The following DUT variants were observed in gnomAD, a reference collection of about 807,000 sequenced individuals.
DUT encodes the protein deoxyuridine 5'-triphosphate nucleotidohydrolase, mitochondrial.
Under a neutral mutation model 28.8 loss-of-function variants are expected in DUT, and 21 were observed. The observed-to-expected ratio is 0.73, with a 90% CI of 0.52 to 1.05. The LOEUF is 1.05. Ranked by LOEUF, DUT falls within the 50% of genes least tolerant of loss-of-function variation. The probability of loss-of-function intolerance (pLI) is 0.00; values close to 1 mark genes in which losing one functional copy is unlikely to be tolerated. For synonymous variants in DUT, 147 were observed against 143.7 expected (o/e 1.02, Z -0.17); for missense variants, 344 against 351.8 (o/e 0.98, Z 0.18).
chr15:48,334,590 C>A, intron 3 of DUT, 82 bp downstream of exon 3: 1 of 1,006,738 alleles, frequency 9.9e-7, no homozygotes, highest in Non-Finnish European at 1.5e-6. Flanking sequence ...GGGTAATAAG[C>A]AGGCAATATT....
chr15:48,331,145 C>A (rs1489588982), upstream of DUT: 98 of 1,502,758 alleles, frequency 6.5e-5, no homozygotes, highest in Non-Finnish European at 8.5e-5. Flanking sequence ...TAGGGCGCCG[C>A]TAAACTCAGA....
chr15:48,334,494 G>A lies in DUT; in HGVS notation c.497G>A (p.Cys166Tyr). ...ATTCAGATAGCGCTCCCTTCTGGGT[G>A]TTATGGAAGAGTGGGTAAGTCATTT... ...TDIQIALPSG[C>Y]YGRVAPRSGL... is the part of the protein sequence containing the mutation. The change falls in exon 3 of 7, where the codon TGT becomes TAT. Residue 166 changes from cysteine to tyrosine, a missense_variant. Cys to Tyr is a radical substitution (Grantham distance 194). Coordinates refer to ENST00000331200, the MANE Select transcript of DUT (RefSeq NM_001025248.2). 2 of 1,609,198 alleles carry A rather than the reference G, an allele frequency of 1.2e-6. No individual in the cohort carries two copies. The highest frequency in any genetic ancestry group is 1.3e-5 in the African/African-American group (1 of 75,000).
chr15:48,332,307 C>G lies in DUT; in HGVS notation c.320C>G (p.Ala107Gly). ...AISPSKRARP[A>G]EVGGMQLRFA... ...TCACCCAGTAAGCGGGCCCGGCCTGCGGAGGTGGGCGGCATGCAGCTCCGC... is the reference window on the plus strand; with the variant it reads ...TCACCCAGTAAGCGGGCCCGGCCTGGGGAGGTGGGCGGCATGCAGCTCCGC... The change falls in exon 2 of 7, where the codon GCG (alanine) becomes GGG (glycine). Residue 107 changes from alanine to glycine, a missense_variant. Ala to Gly is a moderately conservative substitution (Grantham distance 60, BLOSUM62 0). Transcript: ENST00000331200. The G allele has an allele frequency of 6.2e-7, 1 of 1,608,738 alleles. No individual in the cohort carries two copies. The highest frequency in any genetic ancestry group is 8.5e-7 in the Non-Finnish European group (1 of 1,178,332).
At chr15:48,332,971 A>G (rs1205983287) in intron 2 of DUT, among the ~76,000 whole-genome samples, 1 of 152,136 alleles carries the variant, frequency 6.6e-6, no homozygotes, top group African/African-American at 2.4e-5. Context: ...ACAATCCTTA[A>G]CTAGATAAGT....
Position 48,342,036 on chromosome 15 carries a change from C to A in DUT, c.717C>A (p.Thr239=). 6.3e-7 allele frequency: 1 copy of A among 1,577,720 alleles called. No individual in the cohort carries two copies. The highest frequency in any genetic ancestry group is 8.6e-7 in the Non-Finnish European group (1 of 1,166,926). Reference sequence around the variant, plus strand: ...CTATCTTTCAGGCCTTGGATGACACCGAAAGGGGTTCAGGAGGTTTTGGTT... The same window carrying A: ...CTATCTTTCAGGCCTTGGATGACACAGAAAGGGGTTCAGGAGGTTTTGGTT... ...EIEEVQALDD[T]ERGSGGFGST... is the part of the protein sequence containing the mutation. Residue 239 remains threonine, a synonymous_variant, in exon 7 of 7, where the codon ACC becomes ACA. Transcript: ENST00000331200.
intron 4 of DUT, among the ~76,000 whole-genome samples, chr15:48,337,248 G>A (rs1385441394): frequency 6.6e-6 from 1 of 152,190 alleles, no homozygotes; most frequent in Non-Finnish European, 1.5e-5. Flanking sequence ...GGCTCTGTAA[G>A]TTATGCCCGA....
intron 4 of DUT, chr15:48,340,095 T>C (rs1185486161): frequency 6.6e-6 from 1 of 152,278 alleles, no homozygotes. Context: ...TTACTGCCCA[T>C]TGAGCTGAAC....
chr15:48,338,323 A>G (rs2042495880), intron 4 of DUT, among the ~76,000 whole-genome samples: 1 of 152,194 alleles, frequency 6.6e-6, no homozygotes, highest in South Asian at 2.1e-4. Flanking sequence ...ACCTATCTGC[A>G]GGATTCAAGA....
At position 48,342,047 on chromosome 15, in the gene DUT, C is replaced by T. The variant is rs1295061019; in HGVS notation, c.728C>T (p.Ser243Leu). ...VQALDDTERGSGGFGSTGKN is the reference protein window; with the variant it reads ...VQALDDTERGLGGFGSTGKN ...GCCTTGGATGACACCGAAAGGGGTT[C>T]AGGAGGTTTTGGTTCCACTGGAAAG... Residue 243 changes from serine to leucine, a missense_variant, in exon 7 of 7, where the codon TCA (serine) becomes TTA (leucine). Ser to Leu is a moderately radical substitution (Grantham distance 145, BLOSUM62 -2). Transcript: ENST00000331200. 9 of 1,579,644 alleles carry T rather than the reference C, an allele frequency of 5.7e-6. No individual in the cohort carries two copies. The highest frequency in any genetic ancestry group is 6.9e-6 in the Non-Finnish European group (8 of 1,167,076).
At chr15:48,333,548 AAAG>A (rs1273652524) in intron 2 of DUT, among the ~76,000 whole-genome samples, 1 of 152,216 alleles carries the variant, frequency 6.6e-6, no homozygotes, top group African/African-American at 2.4e-5. Flanking sequence ...GATTTCAGTG[AAAG>A]AAGGGGTAGT....
chr15:48,331,531 C>T lies in DUT; in HGVS notation c.16C>T (p.Pro6Ser), dbSNP rs1230888460. The change falls in exon 1 of 7, where the codon CCT (proline) becomes TCT (serine). Residue 6 changes from proline (P) to serine (S), a missense_variant. Transcript: ENST00000331200. The stretch of plus-strand genomic sequence containing the variant: ...TCTGGGGGAAATGACTCCCCTCTGC[C>T]CTCGCCCCGCGCTCTGCTACCATTT... Reference protein sequence around the residue: MTPLCPRPALCYHFLT... With the variant: MTPLCSRPALCYHFLT... 12 of 1,611,772 alleles carry T rather than the reference C, an allele frequency of 7.4e-6. No homozygotes were observed. The highest frequency in any genetic ancestry group is 1.3e-5 in the African/African-American group (1 of 74,950).
Position 48,331,567 on chromosome 15 carries a change from C to G in DUT, c.52C>G (p.Leu18Val), listed in dbSNP as rs986860190. 6.2e-7 allele frequency: 1 copy of G among 1,607,634 alleles called. No individual in the cohort carries two copies. The highest frequency in any genetic ancestry group is 1.3e-5 in the African/African-American group (1 of 74,672). The change falls in exon 1 of 7, where the codon CTG becomes GTG. Residue 18 changes from leucine to valine, a missense_variant. By Grantham distance (32) the Leu-to-Val change is conservative (BLOSUM62 1). Transcript: ENST00000331200. ...PALCYHFLTSLLRSAMQNARG... is the reference protein window; with the variant it reads ...PALCYHFLTSVLRSAMQNARG... The stretch of plus-strand genomic sequence containing the variant: ...GCTCTGCTACCATTTCCTTACGTCT[C>G]TGCTTCGCTCAGCGATGCAAAACGC...
At chr15:48,332,231 C>G (rs916421045) in intron 1 of DUT, 37 bp from the exon 2 acceptor site, 2 of 1,564,868 alleles carry the variant, frequency 1.3e-6, no homozygotes, top group African/African-American at 1.4e-5. Context: ...GTGGTCTCCT[C>G]GCTCGCCTTC....
At chr15:48,338,518 A>C (rs2042498197) in intron 4 of DUT, among the ~76,000 whole-genome samples, 1 of 152,234 alleles carries the variant, frequency 6.6e-6, no homozygotes, top group African/African-American at 2.4e-5. Context: ...GGACATGCAA[A>C]TGTCCAACAA....
intron 4 of DUT, 84 bp downstream of exon 4, chr15:48,336,174 A>G (rs1172622547): frequency 8.4e-7 from 1 of 1,185,162 alleles, no homozygotes; most frequent in Non-Finnish European, 1.2e-6. Context: ...GACAGATTTT[A>G]TTTTTAAGAA....
At chr15:48,333,507 CAAT>C (rs1425539311) in intron 2 of DUT, among the ~76,000 whole-genome samples, 2 of 152,104 alleles carry the variant, frequency 1.3e-5, no homozygotes, top group African/African-American at 2.4e-5. Context: ...AATGGATCAG[CAAT>C]AAATTAGGGC....
chr15:48,331,674 T>C lies in DUT; in HGVS notation c.159T>C (p.Ile53=). 2 of 1,532,736 alleles carry C rather than the reference T, an allele frequency of 1.3e-6. No individual in the cohort carries two copies. The highest frequency in any genetic ancestry group is 1.8e-6 in the Non-Finnish European group (2 of 1,139,774). 94.9% of individuals were successfully genotyped at this position (1,532,736 alleles called of 1,614,324 possible). A position where few individuals can be genotyped will look rare whatever the true frequency, so the allele number is the denominator to read the frequency against. ...TCGGCCGCGCCGCGCAGCACGGGAT[T>C]CCCCGGCCGCTGTCCAGCGCTGGCC... ...PPLGRAAQHG[I]PRPLSSAGRL... Residue 53 remains isoleucine, a synonymous_variant, in exon 1 of 7, where the codon ATT becomes ATC. Coordinates refer to ENST00000331200, the MANE Select transcript of DUT (RefSeq NM_001025248.2).
rs1010410830 is a variant in DUT at position 48,342,780 on chromosome 15, C to A, written c.*702C>A. The A allele has an allele frequency of 5.3e-5, 8 of 152,210 alleles. No homozygotes were observed. Among genetic ancestry groups the A allele is most frequent in the South Asian group, 2.1e-4 (1 of 4,834 alleles). 9.4% of individuals were successfully genotyped at this position (152,210 alleles called of 1,614,324 possible). ...AGGTTTGTTCCCTTGAATTTCATCTCATCAGGCAAATTGTACTAGTTGTAG... is the reference window on the plus strand; with the variant it reads ...AGGTTTGTTCCCTTGAATTTCATCTAATCAGGCAAATTGTACTAGTTGTAG... On this transcript the variant is annotated 3_prime_UTR_variant, in exon 7 of 7. Coordinates refer to ENST00000331200, the MANE Select transcript of DUT (RefSeq NM_001025248.2).
chr15:48,341,070 A>G, intron 4 of DUT: 1 of 402,384 alleles, frequency 2.5e-6, no homozygotes, highest in Non-Finnish European at 4.4e-6. Flanking sequence ...ATAAAGAGTG[A>G]CAGGTTGGAA....
Sources: allele counts gnomAD v4.1 joint callset (sites outside exome capture counted in the v4.1 genomes callset), GRCh38; gene constraint gnomAD v4.1.1; transcripts MANE v1.5; gene names NCBI Gene and HGNC (gene_info 2026-07-23, HGNC 2026-07-21).